Variants in SGPP2 observed in about 807,000 individuals in gnomAD.
The protein encoded by SGPP2 is sphingosine 1-phosphate phosphohydrolase 2.
Under a neutral mutation model 33.9 loss-of-function variants are expected in SGPP2, and 30 were observed. The ratio of observed to expected loss-of-function variants is 0.89; its 90% CI spans 0.66 to 1.20. The LOEUF (loss-of-function observed/expected upper bound fraction) is 1.20, where lower values mean the gene tolerates loss of function less well. Ranked by LOEUF, SGPP2 falls within the 50% of genes most tolerant of loss-of-function variation. SGPP2 has a pLI of 0.00. For synonymous variants in SGPP2, 233 were observed against 225.0 expected, an observed-to-expected ratio of 1.04 and a Z score of -0.32; for missense variants, 458 against 532.1, an observed-to-expected ratio of 0.86 and a Z score of 1.37.
chr2:222,447,215 A>G (rs1697411415), intron 1 of SGPP2, among the ~76,000 whole-genome samples: 1 of 152,166 alleles, frequency 6.6e-6, no homozygotes, highest in Admixed American at 6.5e-5. Flanking sequence ...CCTTTTTATA[A>G]AGAAAACAAA....
intron 4 of SGPP2, among the ~76,000 whole-genome samples, chr2:222,549,141 C>T (rs1689250170): frequency 6.6e-6 from 1 of 152,188 alleles, no homozygotes; most frequent in Non-Finnish European, 1.5e-5. Flanking sequence ...CAGCAGGGGA[C>T]CTGGCAGAGG....
chr2:222,477,009 GTGTA>G lies in SGPP2; in HGVS notation c.378+2289_378+2292del, dbSNP rs1484666544. 6.6e-6 allele frequency among the ~76,000 whole-genome samples: 1 copy of G among 151,622 alleles called. No individual in the cohort carries two copies. The highest frequency in any genetic ancestry group is 6.6e-5 in the Admixed American group (1 of 15,220). ...GTGTGTATATTTTGTGTATTTATGT[GTGTA>G]TGTATATAGGTGTGTATATATGTGT... is the stretch of plus-strand genomic sequence containing the variant. On this transcript the variant is annotated intron_variant, in intron 2 of 4. Transcript: ENST00000321276. This position sits in a 1 kb window ranked among gnomAD's most constrained non-coding sequence, Gnocchi z 6.0.
At chr2:222,470,798 T>TA (rs1670418363) in intron 1 of SGPP2, among the ~76,000 whole-genome samples, 2 of 152,328 alleles carry the variant, frequency 1.3e-5, no homozygotes, top group Non-Finnish European at 2.9e-5. Context: ...GCTGATGGGC[T>TA]AAAATAACAA....
intron 4 of SGPP2, among the ~76,000 whole-genome samples, chr2:222,553,546 T>A (rs1689334389): frequency 6.6e-6 from 1 of 152,186 alleles, no homozygotes; most frequent in Non-Finnish European, 1.5e-5. Flanking sequence ...ATCAGAATCA[T>A]AGGGCAGTAC....
At chr2:222,539,788 A>G (rs1266366015) in intron 4 of SGPP2, among the ~76,000 whole-genome samples, 3 of 152,196 alleles carry the variant, frequency 2.0e-5, no homozygotes, top group African/African-American at 7.2e-5. Context: ...TTATCTTTCC[A>G]ACATCTTCAG....
At chr2:222,470,983 C>T (rs1052145657) in intron 1 of SGPP2, among the ~76,000 whole-genome samples, 44 of 152,202 alleles carry the variant, frequency 2.9e-4, no homozygotes, top group Non-Finnish European at 2.1e-4. Flanking sequence ...CCTTGTTTTG[C>T]AAATGCAACC....
intron 1 of SGPP2, among the ~76,000 whole-genome samples, chr2:222,426,601 C>A (rs1265709421): frequency 6.6e-6 from 1 of 152,132 alleles, no homozygotes; most frequent in Admixed American, 6.5e-5. Context: ...CACACCCACC[C>A]AGCCAACACA....
At chr2:222,472,047 T>G (rs985144524) in intron 1 of SGPP2, among the ~76,000 whole-genome samples, 2 of 152,176 alleles carry the variant, frequency 1.3e-5, no homozygotes, top group African/African-American at 4.8e-5. Context: ...GAGAATGCAT[T>G]TTAACAGGTC....
At chr2:222,440,535 G>C (rs1251643246) in intron 1 of SGPP2, among the ~76,000 whole-genome samples, 1 of 151,722 alleles carries the variant, frequency 6.6e-6, no homozygotes, top group Non-Finnish European at 1.5e-5. Context: ...TAGAGATAGG[G>C]TTTCACCATA....
chr2:222,481,024 T>C (rs576946401), intron 2 of SGPP2, among the ~76,000 whole-genome samples: 2 of 152,246 alleles, frequency 1.3e-5, no homozygotes, highest in African/African-American at 2.4e-5. Context: ...TTCTCACTTA[T>C]AAGTGGGAAC....
intron 2 of SGPP2, among the ~76,000 whole-genome samples, chr2:222,510,723 C>T (rs1441680117): frequency 6.6e-6 from 1 of 152,096 alleles, no homozygotes; most frequent in East Asian, 1.9e-4. Context: ...GGAGCCTTTG[C>T]TCTTTTCAGA....
chr2:222,548,728 A>G (rs1689243719), intron 4 of SGPP2, among the ~76,000 whole-genome samples: 1 of 152,192 alleles, frequency 6.6e-6, no homozygotes, highest in African/African-American at 2.4e-5. Context: ...GAACTTATGC[A>G]TTCACTCTTC....
chr2:222,464,816 G>GT (rs992786255), intron 1 of SGPP2, among the ~76,000 whole-genome samples: 2 of 152,250 alleles, frequency 1.3e-5, no homozygotes, highest in South Asian at 2.1e-4. Flanking sequence ...ATGAGACAGT[G>GT]TTTTTTCTAG....
rs1463599218 is a variant in SGPP2, at chr2:222,477,106, G to A, written c.378+2380G>A. Among the ~76,000 whole-genome samples, 1 of 148,742 alleles carries A rather than the reference G, an allele frequency of 6.7e-6. No individual in the cohort carries two copies. The highest frequency in any genetic ancestry group is 2.5e-5 in the African/African-American group (1 of 40,038). ...ATATATTTGTGAATGTATGTATATA[G>A]GTGTGTATATATGTGTATGTGTGTG... On this transcript the variant is annotated intron_variant, in intron 2 of 4. Transcript: ENST00000321276. This position sits in a 1 kb window ranked among gnomAD's most constrained non-coding sequence, Gnocchi z 6.0.
In SGPP2 at chr2:222,449,041, G is replaced by A. The variant is rs182575997; in HGVS notation, c.219+24220G>A. On this transcript the variant is annotated intron_variant, in intron 1 of 4. Coordinates refer to ENST00000321276, the MANE Select transcript of SGPP2 (RefSeq NM_152386.4). ...TGACCGTGAAGGTTGCTCAACATTA[G>A]GACTGGATTACAGAGAGAGGGTGTA... 7.6e-4 allele frequency among the ~76,000 whole-genome samples: 116 copies of A among 152,340 alleles called. 1 individual carries two copies. Among genetic ancestry groups the A allele is most frequent in the Non-Finnish European group, 1.4e-3 (93 of 68,032 alleles).
intron 1 of SGPP2, among the ~76,000 whole-genome samples, chr2:222,425,250 T>A (rs1405188882): frequency 6.8e-6 from 1 of 146,370 alleles, no homozygotes; most frequent in African/African-American, 2.5e-5. Context: ...TGCGCACAAA[T>A]GCGGGTGCAG....
intron 4 of SGPP2, among the ~76,000 whole-genome samples, chr2:222,548,341 G>T (rs547244228): frequency 3.9e-5 from 6 of 152,196 alleles, no homozygotes; most frequent in Non-Finnish European, 8.8e-5. Flanking sequence ...TTCAACTGCA[G>T]GTTTAAATAT....
intron 1 of SGPP2, among the ~76,000 whole-genome samples, chr2:222,445,385 C>A (rs540213818): frequency 6.6e-6 from 1 of 152,206 alleles, no homozygotes; most frequent in East Asian, 1.9e-4. Flanking sequence ...CTTTCCAGTT[C>A]CAGTTGCTTC....
chr2:222,474,806 T>G, intron 2 of SGPP2, 80 bp downstream of exon 2: 1 of 1,156,988 alleles, frequency 8.6e-7, no homozygotes, highest in Admixed American at 3.4e-5. Context: ...TTTGCAAATA[T>G]GTTCTTTCTT....
Sources: gnomAD v4.1 joint callset for allele counts (sites outside exome capture counted in the v4.1 genomes callset) on GRCh38, gnomAD v4.1.1 for gene constraint, Gnocchi (gnomAD v3.1) non-coding constraint, MANE v1.5 for transcripts, NCBI Gene and HGNC (gene_info 2026-07-23, HGNC 2026-07-21) for gene names.